The following HYCC1 variants were observed in gnomAD, a reference collection of about 807,000 sequenced individuals.
The protein encoded by HYCC1 is hyccin.
chr7:22,977,519 C>T, the HYCC1 span: 1 of 692,078 alleles, frequency 1.4e-6, no homozygotes, highest in East Asian at 2.8e-5. Context: ...TTGAAAAAGA[C>T]CTGAATAGAA....
the HYCC1 span, chr7:22,978,142 G>A: frequency 2.4e-6 from 2 of 822,786 alleles, no homozygotes; most frequent in African/African-American, 3.4e-5. Context: ...ATATTTGGAA[G>A]AATGGGCTAT....
the HYCC1 span, among the ~76,000 whole-genome samples, chr7:22,996,120 C>A: frequency 6.6e-6 from 1 of 151,704 alleles, no homozygotes; most frequent in South Asian, 2.1e-4. Flanking sequence ...ACAGTGAAAC[C>A]CCTCTGTACT....
chr7:22,912,650 T>C, the HYCC1 span, among the ~76,000 whole-genome samples: 1 of 152,122 alleles, frequency 6.6e-6, no homozygotes, highest in East Asian at 1.9e-4. Flanking sequence ...ATTTTTCCTA[T>C]GGGGAGAGTT....
chr7:22,988,025 A>G, the HYCC1 span, among the ~76,000 whole-genome samples: 1 of 152,360 alleles, frequency 6.6e-6, no homozygotes, highest in African/African-American at 2.4e-5. Context: ...TACTTAGCAG[A>G]CATGTTCCCA....
the HYCC1 span, among the ~76,000 whole-genome samples, chr7:22,958,386 C>T: frequency 6.6e-6 from 1 of 152,084 alleles, no homozygotes; most frequent in African/African-American, 2.4e-5. Context: ...TGTACCTGTT[C>T]CATGCATGTG....
the HYCC1 span, among the ~76,000 whole-genome samples, chr7:22,897,716 C>T: frequency 2.8e-4 from 42 of 152,264 alleles, no homozygotes; most frequent in African/African-American, 9.9e-4. Context: ...AAGCGACCCT[C>T]ACACCTCAGC....
the HYCC1 span, chr7:22,940,939 G>C: frequency 6.6e-6 from 1 of 151,474 alleles, no homozygotes; most frequent in Non-Finnish European, 1.5e-5. Context: ...TGGCAATAAA[G>C]ATTCTAAAGT....
the HYCC1 span, among the ~76,000 whole-genome samples, chr7:23,002,514 C>T: frequency 8.6e-5 from 13 of 151,982 alleles, no homozygotes; most frequent in Non-Finnish European, 1.5e-4. Flanking sequence ...TAAACAAATT[C>T]AATTAAATTA....
the HYCC1 span, among the ~76,000 whole-genome samples, chr7:22,963,677 G>C: frequency 6.6e-6 from 1 of 152,170 alleles, no homozygotes. Context: ...CTCTGCCATT[G>C]TAACACAAAA....
the HYCC1 span, among the ~76,000 whole-genome samples, chr7:22,952,229 TA>T: frequency 6.6e-6 from 1 of 151,746 alleles, no homozygotes; most frequent in African/African-American, 2.4e-5. Flanking sequence ...GAAAATGCAA[TA>T]AAAAAATAAG....
chr7:22,919,569 T>A, the HYCC1 span, among the ~76,000 whole-genome samples: 1 of 150,710 alleles, frequency 6.6e-6, no homozygotes, highest in Non-Finnish European at 1.5e-5. Flanking sequence ...CCATGTCCCA[T>A]CAAGTAGAGA....
the HYCC1 span, chr7:22,945,988 A>G: frequency 1.2e-6 from 2 of 1,613,690 alleles, no homozygotes; most frequent in Non-Finnish European, 1.7e-6. Flanking sequence ...CTTTTCCTCC[A>G]GTTTTGCTTC....
the HYCC1 span, among the ~76,000 whole-genome samples, chr7:23,006,557 G>A: frequency 6.6e-6 from 1 of 152,032 alleles, no homozygotes; most frequent in African/African-American, 2.4e-5. Flanking sequence ...ATGAGCCACC[G>A]CACCCGGCCA....
At chr7:22,935,401 T>G in the HYCC1 span, 3 of 152,144 alleles carry the variant, frequency 2.0e-5, no homozygotes, top group Non-Finnish European at 4.4e-5. Flanking sequence ...GAATTCCCTG[T>G]GTATGGGGGA....
chr7:23,002,442 G>A, the HYCC1 span, among the ~76,000 whole-genome samples: 5 of 151,978 alleles, frequency 3.3e-5, no homozygotes, highest in African/African-American at 1.2e-4. Context: ...GAAGCAACCA[G>A]GGAGAGGCTC....
At chr7:22,980,194 T>C in the HYCC1 span, among the ~76,000 whole-genome samples, 1 of 151,926 alleles carries the variant, frequency 6.6e-6, no homozygotes, top group South Asian at 2.1e-4. Context: ...GTCTGACATA[T>C]CTAACTTGAC....
At chr7:22,996,597 T>TTAAAAA in the HYCC1 span, among the ~76,000 whole-genome samples, 1 of 106,554 alleles carries the variant, frequency 9.4e-6, no homozygotes, top group Non-Finnish European at 1.8e-5. Context: ...GTACAATTGT[T>TTAAAAA]AAAAAAAAAA....
chr7:22,988,862 G>A, the HYCC1 span, among the ~76,000 whole-genome samples: 8 of 151,858 alleles, frequency 5.3e-5, no homozygotes, highest in African/African-American at 1.7e-4. Flanking sequence ...TCTTCTACAC[G>A]CCACCTCTGC....
chr7:22,942,001 T>C, the HYCC1 span: 5 of 152,210 alleles, frequency 3.3e-5, no homozygotes, highest in Admixed American at 6.6e-5. Flanking sequence ...TTCCTTGATG[T>C]GCTTCCCTTT....
Sources: allele counts gnomAD v4.1 joint callset (sites outside exome capture counted in the v4.1 genomes callset), GRCh38; gene constraint gnomAD v4.1.1; transcripts MANE v1.5; gene names NCBI Gene and HGNC (gene_info 2026-07-23, HGNC 2026-07-21).